Variants in ZNF3 observed in about 807,000 individuals in gnomAD.
ZNF3 encodes the protein C2-H2 type zinc finger protein.
ZNF3 carries 16 observed loss-of-function variants against 36.9 expected under a neutral mutation model. That is an observed-to-expected ratio of 0.43 (90% CI 0.29 to 0.66). ZNF3 has a LOEUF of 0.66. Among genes scored for constraint, ZNF3 ranks in the 30% least tolerant of loss-of-function variants. The pLI, the probability that ZNF3 is intolerant of heterozygous loss-of-function variation, is 0.13. For synonymous variants in ZNF3, 201 were observed against 201.9 expected, an observed-to-expected ratio of 1.00 and a Z score of 0.04; for missense variants, 462 against 543.1, an observed-to-expected ratio of 0.85 and a Z score of 1.48.
rs1428858490 is a variant in ZNF3, at chr7:100,070,419, C to A, written c.*724G>T. 3 of 985,360 alleles carry A rather than the reference C, an allele frequency of 3.0e-6. No homozygotes were observed. Among genetic ancestry groups the A allele is most frequent in the Non-Finnish European group, 3.6e-6 (3 of 829,990 alleles). 61.0% of individuals were successfully genotyped at this position (985,360 alleles called of 1,614,324 possible). On this transcript the variant is annotated 3_prime_UTR_variant, in exon 6 of 6. Coordinates refer to ENST00000299667, the MANE Select transcript of ZNF3 (RefSeq NM_032924.5). ...AGAGGCCAACGCTAAGTGCTTCTGA[C>A]CCTCTCCCTCACAGCCGGTTACTAG...
Position 100,071,935 on chromosome 7 carries a change from C to G in ZNF3, c.549G>C (p.Val183=), listed in dbSNP as rs1263535193. 1.2e-6 allele frequency: 2 copies of G among 1,614,118 alleles called. No individual in the cohort carries two copies. The highest frequency in any genetic ancestry group is 1.7e-6 in the Non-Finnish European group (2 of 1,180,048). ...KYNDFGNSFT[V]NSNLISHQRL... Reference sequence around the variant, plus strand: ...TCTGATGTGAGATAAGGTTGGAATTCACAGTGAAGCTGTTCCCAAAATCAT... The same window carrying G: ...TCTGATGTGAGATAAGGTTGGAATTGACAGTGAAGCTGTTCCCAAAATCAT... Residue 183 remains valine (V), a synonymous_variant, in exon 6 of 6, where the codon GTG becomes GTC. Coordinates refer to ENST00000299667, the MANE Select transcript of ZNF3 (RefSeq NM_032924.5).
chr7:100,069,969 A>C, downstream of ZNF3: 1 of 985,850 alleles, frequency 1.0e-6, no homozygotes, highest in Non-Finnish European at 1.2e-6. Flanking sequence ...AACCACACTC[A>C]ATCTCTTCTG....
At chr7:100,080,315 G>A (rs1194519190) in intron 1 of ZNF3, among the ~76,000 whole-genome samples, 1 of 152,182 alleles carries the variant, frequency 6.6e-6, no homozygotes, top group Non-Finnish European at 1.5e-5. Flanking sequence ...TCACCGCACA[G>A]AGACCTAGTG....
chr7:100,065,636 C>G (rs1186779518), downstream of ZNF3, among the ~76,000 whole-genome samples: 1 of 151,698 alleles, frequency 6.6e-6, no homozygotes, highest in East Asian at 1.9e-4. Flanking sequence ...CAGTTCCATT[C>G]AGGGTGTGGT....
chr7:100,064,394 A>G (rs143021897), exon 6 of ZNF3: 1 of 1,608,262 alleles, frequency 6.2e-7, no homozygotes, highest in African/African-American at 1.4e-5. Flanking sequence ...TTCAGTCAGC[A>G]TGCGGGCCTC....
chr7:100,067,425 C>A (rs1792704442), downstream of ZNF3, among the ~76,000 whole-genome samples: 2 of 152,144 alleles, frequency 1.3e-5, no homozygotes, highest in Non-Finnish European at 2.9e-5. Context: ...TCATTCCTCG[C>A]CAAGTATTGG....
chr7:100,064,548 G>A, exon 6 of ZNF3: 1 of 1,614,196 alleles, frequency 6.2e-7, no homozygotes, highest in Non-Finnish European at 8.5e-7. Flanking sequence ...ACTGTGGAAA[G>A]ACCTTCTGTA....
chr7:100,076,896 A>G lies in ZNF3; in HGVS notation c.55+407T>C, dbSNP rs1400110197. 4.2e-4 allele frequency: 76 copies of G among 181,386 alleles called. 1 individual carries two copies. Among genetic ancestry groups the G allele is most frequent in the Non-Finnish European group, 1.3e-4 (11 of 84,018 alleles). The allele number at this position is 181,386 out of a possible 1,614,324, so 11.2% of individuals were successfully genotyped here. A position where few individuals can be genotyped will look rare whatever the true frequency, so the allele number is the denominator to read the frequency against. On this transcript the variant is annotated intron_variant, in intron 3 of 5. Coordinates refer to ENST00000299667, the MANE Select transcript of ZNF3 (RefSeq NM_032924.5). ...GGAGTTTAAGACCAGCCTGACCAAC[A>G]TGGCAAAACCCCGTCTCTACAAAAA...
intron 2 of ZNF3, among the ~76,000 whole-genome samples, chr7:100,078,251 C>G (rs972190764): frequency 4.0e-5 from 6 of 151,628 alleles, no homozygotes; most frequent in Admixed American, 1.3e-4. Context: ...AATCCCAGCA[C>G]TTTGGGAGGC....
chr7:100,070,289 G>C lies in ZNF3; in HGVS notation c.*854C>G. On this transcript the variant is annotated 3_prime_UTR_variant, in exon 6 of 6. Transcript: ENST00000299667. ...GCTGGGTGTCAGAGGTGAGAGGGCAGGGCAAGCAGGCCAAGTGAGCTCCTT... is the reference window on the plus strand; with the variant it reads ...GCTGGGTGTCAGAGGTGAGAGGGCACGGCAAGCAGGCCAAGTGAGCTCCTT... 2 of 985,624 alleles carry C rather than the reference G, an allele frequency of 2.0e-6. No homozygotes were observed. The highest frequency in any genetic ancestry group is 2.4e-6 in the Non-Finnish European group (2 of 830,096). 61.1% of individuals were successfully genotyped at this position (985,624 alleles called of 1,614,324 possible).
chr7:100,067,083 T>C (rs913936209), downstream of ZNF3, among the ~76,000 whole-genome samples: 1 of 152,188 alleles, frequency 6.6e-6, no homozygotes. Flanking sequence ...TTGCCCATCA[T>C]GGTAATTGTG....
intron 5 of ZNF3, among the ~76,000 whole-genome samples, chr7:100,074,103 C>T (rs141817483): frequency 2.0e-5 from 3 of 151,920 alleles, no homozygotes; most frequent in African/African-American, 7.2e-5. Context: ...TGCGGTGAGC[C>T]GAGACCACGC....
At chr7:100,069,642 TC>T (rs1312130764), downstream of ZNF3, among the ~76,000 whole-genome samples, 1 of 151,910 alleles carries the variant, frequency 6.6e-6, no homozygotes, top group Non-Finnish European at 1.5e-5. Flanking sequence ...AGATGGAGTT[TC>T]GCTTTTCTTG....
chr7:100,078,057 A>T (rs1191949688), intron 2 of ZNF3, among the ~76,000 whole-genome samples: 2 of 152,016 alleles, frequency 1.3e-5, no homozygotes, highest in Non-Finnish European at 2.9e-5. Context: ...ATCCTGGTAA[A>T]TATACTCCCT....
exon 6 of ZNF3, chr7:100,064,177 TTGG>T: frequency 1.2e-6 from 2 of 1,613,140 alleles, no homozygotes; most frequent in Non-Finnish European, 1.7e-6. Context: ...CAGAACACAC[TTGG>T]TGGACCGGCC....
chr7:100,075,617 T>C lies in ZNF3; in HGVS notation c.69A>G (p.Lys23=). The C allele has an allele frequency of 6.2e-7, 1 of 1,614,052 alleles. No homozygotes were observed. Among genetic ancestry groups the C allele is most frequent in the Non-Finnish European group, 8.5e-7 (1 of 1,179,984 alleles). ...QALLDSALPS[K]VPAFSDKDSL... ...TGTCCTTGTCGGAAAAGGCAGGAAC[T>C]TTTGAAGGAAGAGCTGAAGGGCAAT... The change falls in exon 4 of 6, where the codon AAA becomes AAG. Residue 23 remains lysine, a synonymous_variant. Transcript: ENST00000299667.
rs1430332519 is a variant in ZNF3, at chr7:100,071,922, T to G, written c.562A>C (p.Ile188Leu). The change falls in exon 6 of 6, where the codon ATC (isoleucine) becomes CTC (leucine). Residue 188 changes from isoleucine to leucine, a missense_variant. Physicochemically the swap from Ile to Leu is conservative, Grantham distance 5. Transcript: ENST00000299667. ...CCCACGGGGAGTCTCTGATGTGAGA[T>G]AAGGTTGGAATTCACAGTGAAGCTG... The part of the protein sequence containing the change: ...GNSFTVNSNL[I>L]SHQRLPVGDR... The G allele has an allele frequency of 6.2e-7, 1 of 1,614,218 alleles. No homozygotes were observed. The highest frequency in any genetic ancestry group is 2.2e-5 in the East Asian group (1 of 44,892).
At position 100,075,698 on chromosome 7, in the gene ZNF3, C is replaced by T; in HGVS notation, c.56-68G>A. On this transcript the variant is annotated intron_variant, in intron 3 of 5. Transcript: ENST00000299667. ...TGTGACCTCCCAACCTGCTGACTTCCCAACCCACAGAAAGCTCCCGGGGTC... is the reference window on the plus strand; with the variant it reads ...TGTGACCTCCCAACCTGCTGACTTCTCAACCCACAGAAAGCTCCCGGGGTC... 5 of 1,515,890 alleles carry T rather than the reference C, an allele frequency of 3.3e-6. No homozygotes were observed. The South Asian group carries it at 3.5e-5, about 10-fold the overall frequency. The allele number at this position is 1,515,890 out of a possible 1,614,324, so 93.9% of individuals were successfully genotyped here. A position where few individuals can be genotyped will look rare whatever the true frequency, so the allele number is the denominator to read the frequency against.
downstream of ZNF3, among the ~76,000 whole-genome samples, chr7:100,065,526 T>C (rs1792603498): frequency 6.6e-6 from 1 of 152,116 alleles, no homozygotes; most frequent in African/African-American, 2.4e-5. Context: ...GTGGATGAGT[T>C]TGTGGCAAAC....
Sources: gnomAD v4.1 joint callset for allele counts (sites outside exome capture counted in the v4.1 genomes callset) on GRCh38, gnomAD v4.1.1 for gene constraint, MANE v1.5 for transcripts, NCBI Gene and HGNC (gene_info 2026-07-23, HGNC 2026-07-21) for gene names.